Variants in NTN4 observed in about 807,000 individuals in gnomAD.
NTN4 encodes netrin-4.
A neutral mutation model predicts 73.6 loss-of-function variants in NTN4; 32 were observed. The observed-to-expected ratio is 0.44, with a 90% CI of 0.33 to 0.58. The LOEUF (loss-of-function observed/expected upper bound fraction) is 0.58. Among genes scored for constraint, NTN4 ranks in the 20% least tolerant of loss-of-function variants. NTN4 has a pLI of 0.04. For synonymous variants in NTN4, 258 were observed against 287.5 expected (o/e 0.90, Z 1.04); for missense variants, 654 against 798.3 (o/e 0.82, Z 2.18).
intron 4 of NTN4, among the ~76,000 whole-genome samples, chr12:95,712,627 A>G: frequency 6.6e-6 from 1 of 152,008 alleles, no homozygotes; most frequent in African/African-American, 2.4e-5. Context: ...TTAGAGACAG[A>G]GTTTCCCTCT....
intron 2 of NTN4, among the ~76,000 whole-genome samples, chr12:95,770,989 T>A (rs887437050): frequency 2.6e-5 from 1 of 37,880 alleles, no homozygotes; most frequent in African/African-American, 1.2e-4. Context: ...AGGAAAAGAA[T>A]TTGTTTTTTT....
chr12:95,775,317 C>T (rs2121282431), intron 2 of NTN4, among the ~76,000 whole-genome samples: 1 of 152,264 alleles, frequency 6.6e-6, no homozygotes, highest in Admixed American at 6.5e-5. Context: ...CTCACTGGGG[C>T]TTGTTGGACA....
intron 7 of NTN4, among the ~76,000 whole-genome samples, chr12:95,678,285 T>G (rs1278971676): frequency 2.0e-5 from 3 of 146,564 alleles, no homozygotes; most frequent in Admixed American, 1.4e-4. Flanking sequence ...AGCAAACCAC[T>G]ATGGCACATG....
chr12:95,754,381 C>T (rs1056187869), intron 2 of NTN4, among the ~76,000 whole-genome samples: 1 of 151,744 alleles, frequency 6.6e-6, no homozygotes, highest in African/African-American at 2.4e-5. Context: ...CTCCATACCA[C>T]CCCCAAAAAT....
At chr12:95,749,059 C>A (rs1186913467) in intron 2 of NTN4, among the ~76,000 whole-genome samples, 1 of 152,226 alleles carries the variant, frequency 6.6e-6, no homozygotes, top group Non-Finnish European at 1.5e-5. Context: ...GGCTCAGAAG[C>A]TCCCCAACTG....
intron 8 of NTN4, among the ~76,000 whole-genome samples, chr12:95,667,783 C>G (rs1209057213): frequency 6.6e-6 from 1 of 152,044 alleles, no homozygotes; most frequent in Non-Finnish European, 1.5e-5. Context: ...ATGCTTGAAA[C>G]TGGGAGGCAG....
intron 5 of NTN4, among the ~76,000 whole-genome samples, chr12:95,700,976 A>G (rs981641611): frequency 2.0e-4 from 30 of 150,540 alleles, no homozygotes; most frequent in Non-Finnish European, 3.3e-4. Context: ...ACCATTCCCA[A>G]CTAATTTTTG....
intron 3 of NTN4, among the ~76,000 whole-genome samples, chr12:95,736,185 C>T (rs4762614): frequency 0.26 from 39,322 of 151,952 alleles, 5,914 homozygotes; most frequent in South Asian, 0.36. Flanking sequence ...GTGATCCACC[C>T]GCCTTGGCCT....
intron 8 of NTN4, 37 bp downstream of exon 8, chr12:95,670,041 A>G (rs1221334295): frequency 1.5e-6 from 2 of 1,292,206 alleles, no homozygotes; most frequent in Non-Finnish European, 2.2e-6. Context: ...CTTAGTGTGA[A>G]TAGGTTCTCA....
At chr12:95,707,242 C>T (rs11108204) in intron 5 of NTN4, among the ~76,000 whole-genome samples, 6,361 of 152,146 alleles carry the variant, frequency 0.042, 317 homozygotes, top group African/African-American at 0.12. Flanking sequence ...ATTTTCTCCC[C>T]TCCCCAGTCA....
At chr12:95,782,087 G>T (rs2079136889) in intron 2 of NTN4, among the ~76,000 whole-genome samples, 2 of 152,022 alleles carry the variant, frequency 1.3e-5, no homozygotes, top group South Asian at 4.2e-4. Context: ...GCTTCTCCAG[G>T]TTAACCAAGG....
At chr12:95,668,847 C>G (rs1394122890) in intron 8 of NTN4, among the ~76,000 whole-genome samples, 2 of 150,454 alleles carry the variant, frequency 1.3e-5, no homozygotes, top group Non-Finnish European at 1.5e-5. Context: ...AAAATTAGGT[C>G]AGGCGTGGTG....
intron 2 of NTN4, among the ~76,000 whole-genome samples, chr12:95,756,381 G>C (rs2078947295): frequency 6.6e-6 from 1 of 152,134 alleles, no homozygotes; most frequent in Non-Finnish European, 1.5e-5. Context: ...TCAAAGGTCT[G>C]AGATGTGGAA....
chr12:95,736,892 G>A (rs561044477), intron 3 of NTN4, among the ~76,000 whole-genome samples: 5 of 152,186 alleles, frequency 3.3e-5, no homozygotes, highest in African/African-American at 4.8e-5. Flanking sequence ...GTGGCCTATC[G>A]TATACTAGGG....
At chr12:95,752,236 C>T (rs150669391) in intron 2 of NTN4, among the ~76,000 whole-genome samples, 7,173 of 151,066 alleles carry the variant, frequency 0.047, 554 homozygotes, top group African/African-American at 0.17. Context: ...CCTATAAACT[C>T]TCGTTACAAT....
At chr12:95,660,614 C>G (rs1304764774) in intron 9 of NTN4, among the ~76,000 whole-genome samples, 1 of 151,962 alleles carries the variant, frequency 6.6e-6, no homozygotes, top group Non-Finnish European at 1.5e-5. Context: ...ACAATAATTG[C>G]CCTTAGTTAA....
chr12:95,779,004 A>G (rs2079113806), intron 2 of NTN4, among the ~76,000 whole-genome samples: 1 of 152,254 alleles, frequency 6.6e-6, no homozygotes, highest in Non-Finnish European at 1.5e-5. Flanking sequence ...CTGGTTCAAC[A>G]TATGCAAATC....
chr12:95,790,927 C>CG (rs1565922837), upstream of NTN4, among the ~76,000 whole-genome samples: 1 of 84,430 alleles, frequency 1.2e-5, no homozygotes, highest in East Asian at 1.0e-3. This position sits in a 1 kb window ranked among gnomAD's most constrained non-coding sequence, Gnocchi z 6.5. Context: ...CCGCTGCCGC[C>CG]CGGGGGGGGG....
In NTN4 at chr12:95,682,572, A is replaced by G. The variant is rs1297423957; in HGVS notation, c.1510+135T>C. 18 of 557,584 alleles carry G rather than the reference A, an allele frequency of 3.2e-5. No homozygotes were observed. In the East Asian group the frequency reaches 4.8e-4, roughly 15 times the overall value. 34.5% of individuals were successfully genotyped at this position (557,584 alleles called of 1,614,324 possible). On this transcript the variant is annotated intron_variant, in intron 7 of 9. Transcript: ENST00000343702. ...CAGTTTCATACTTACAGGAGTCACTACTTTATTATACCATGAAACCCCAGA... is the reference window on the plus strand; with the variant it reads ...CAGTTTCATACTTACAGGAGTCACTGCTTTATTATACCATGAAACCCCAGA...
Sources: gnomAD v4.1 joint callset for allele counts (sites outside exome capture counted in the v4.1 genomes callset) on GRCh38, gnomAD v4.1.1 for gene constraint, Gnocchi (gnomAD v3.1) non-coding constraint, MANE v1.5 for transcripts, NCBI Gene and HGNC (gene_info 2026-07-23, HGNC 2026-07-21) for gene names.